Variants in TENM3 observed in about 807,000 individuals in gnomAD.
The protein encoded by TENM3 is teneurin-3.
A neutral mutation model predicts 255.1 loss-of-function variants in TENM3; 63 were observed. The ratio of observed to expected loss-of-function variants is 0.25; its 90% CI spans 0.20 to 0.30. The LOEUF (loss-of-function observed/expected upper bound fraction) is 0.30, where lower values mean the gene tolerates loss of function less well. Among genes scored for constraint, TENM3 ranks in the 10% least tolerant of loss-of-function variants. The probability of loss-of-function intolerance (pLI) is 1.00; values close to 1 mark genes in which losing one functional copy is unlikely to be tolerated. For synonymous variants in TENM3, 1,306 were observed against 1,322.3 expected (o/e 0.99, Z 0.27); for missense variants, 2,929 against 3,461.1 (o/e 0.85, Z 3.86).
intron 1 of TENM3, among the ~76,000 whole-genome samples, chr4:182,198,766 A>G (rs1298948096): frequency 6.6e-6 from 1 of 152,142 alleles, no homozygotes; most frequent in Non-Finnish European, 1.5e-5. Context: ...CCCGATGATG[A>G]AGGACAGAGC....
chr4:181,770,702 G>T, the TENM3 span, among the ~76,000 whole-genome samples: 1 of 147,772 alleles, frequency 6.8e-6, no homozygotes, highest in African/African-American at 2.5e-5. Flanking sequence ...AAAAAAGAGT[G>T]AGGAAGTTCA....
At position 182,773,508 on chromosome 4, in the gene TENM3, T is replaced by C; in HGVS notation, c.4929T>C (p.Phe1643=). The stretch of plus-strand genomic sequence containing the variant: ...AAGGTCGTCTGACAAATGTTACGTT[T>C]CCAACTGGAGTGGTCACAAACCTGC... The part of the protein sequence containing the change: ...DSEGRLTNVT[F]PTGVVTNLHG... Residue 1643 remains phenylalanine (F), a synonymous_variant, in exon 23 of 28, where the codon TTT becomes TTC. Transcript: ENST00000511685. 3.7e-6 allele frequency: 6 copies of C among 1,613,214 alleles called. No homozygotes were observed. The highest frequency in any genetic ancestry group is 5.1e-6 in the Non-Finnish European group (6 of 1,179,548).
At chr4:181,496,646 G>T in the TENM3 span, among the ~76,000 whole-genome samples, 2 of 152,082 alleles carry the variant, frequency 1.3e-5, no homozygotes, top group Non-Finnish European at 2.9e-5. Context: ...CGTTAGCATC[G>T]ATTTACTATG....
chr4:181,971,301 G>T, the TENM3 span, among the ~76,000 whole-genome samples: 1 of 152,290 alleles, frequency 6.6e-6, no homozygotes, highest in South Asian at 2.1e-4. Flanking sequence ...CTAGCATGGT[G>T]CTTGGCATGT....
chr4:182,574,888 G>A (rs1052240600), intron 3 of TENM3, among the ~76,000 whole-genome samples: 1 of 152,006 alleles, frequency 6.6e-6, no homozygotes, highest in African/African-American at 2.4e-5. Context: ...CTGTCACCTC[G>A]GTGACACAGA....
At chr4:182,316,007 T>A (rs1302258142) in intron 1 of TENM3, among the ~76,000 whole-genome samples, 1 of 152,214 alleles carries the variant, frequency 6.6e-6, no homozygotes, top group African/African-American at 2.4e-5. Flanking sequence ...ATAACCATTT[T>A]CATGTCCTTC....
At chr4:182,787,113 A>G (rs1386049919) in intron 24 of TENM3, among the ~76,000 whole-genome samples, 2 of 152,108 alleles carry the variant, frequency 1.3e-5, no homozygotes, top group Non-Finnish European at 2.9e-5. Flanking sequence ...AGCTCAACTC[A>G]TAAAGTTTCA....
At chr4:181,716,452 G>A in the TENM3 span, among the ~76,000 whole-genome samples, 1 of 152,160 alleles carries the variant, frequency 6.6e-6, no homozygotes, top group Non-Finnish European at 1.5e-5. Context: ...ATTCCGATCA[G>A]CCATATTTTA....
At chr4:182,233,283 C>G (rs532574045) in intron 1 of TENM3, among the ~76,000 whole-genome samples, 1 of 152,202 alleles carries the variant, frequency 6.6e-6, no homozygotes, top group African/African-American at 2.4e-5. Flanking sequence ...CCTGGATAGA[C>G]GTCCACACAT....
the TENM3 span, among the ~76,000 whole-genome samples, chr4:181,534,473 C>CG: frequency 0.53 from 80,319 of 151,486 alleles, 21,771 homozygotes; most frequent in African/African-American, 0.63. Context: ...TCTTCCCCCC[C>CG]CCCACAGAAA....
At chr4:182,702,139 C>G (rs1255972429) in intron 12 of TENM3, among the ~76,000 whole-genome samples, 17 of 152,120 alleles carry the variant, frequency 1.1e-4, no homozygotes, top group Admixed American at 1.1e-3. Context: ...TATATAAGGG[C>G]AAGTTGTGAT....
At chr4:182,369,548 C>T (rs1766656589) in intron 3 of TENM3, among the ~76,000 whole-genome samples, 1 of 152,156 alleles carries the variant, frequency 6.6e-6, no homozygotes, top group Non-Finnish European at 1.5e-5. Context: ...CAGTTGAATT[C>T]ATTTCCTACT....
chr4:182,282,039 C>T lies in TENM3; in HGVS notation c.-76+38563C>T, dbSNP rs370971337. The stretch of plus-strand genomic sequence containing the variant: ...GCATGAACCACCATGCCTGGCCCAT[C>T]GTCATTTTAAAATTTAATTTTAATT... On this transcript the variant is annotated intron_variant, in intron 1 of 27. Transcript: ENST00000511685. 8.6e-4 allele frequency among the ~76,000 whole-genome samples: 131 copies of T among 152,144 alleles called. No homozygotes were observed. In the Middle Eastern group the frequency reaches 0.01, roughly 12 times the overall value.
At chr4:181,788,462 T>C in the TENM3 span, among the ~76,000 whole-genome samples, 1 of 152,148 alleles carries the variant, frequency 6.6e-6, no homozygotes, top group Non-Finnish European at 1.5e-5. Flanking sequence ...CCATTAATAC[T>C]CCAATTTTCT....
chr4:181,574,744 C>T, the TENM3 span, among the ~76,000 whole-genome samples: 1 of 151,848 alleles, frequency 6.6e-6, no homozygotes, highest in African/African-American at 2.4e-5. Flanking sequence ...ATATAGAAGC[C>T]GTAGGAACTT....
the TENM3 span, among the ~76,000 whole-genome samples, chr4:181,620,135 C>A: frequency 6.6e-6 from 1 of 152,088 alleles, no homozygotes; most frequent in African/African-American, 2.4e-5. Context: ...GTGGCACATG[C>A]CTGTGGTCCC....
chr4:182,457,505 G>A (rs72701914), intron 3 of TENM3, among the ~76,000 whole-genome samples: 2,393 of 149,520 alleles, frequency 0.016, 21 homozygotes, highest in Non-Finnish European at 0.026. Context: ...AGTTAAGTTG[G>A]TTGTTAGTGA....
At chr4:182,783,195 G>A (rs1416026420) in intron 24 of TENM3, among the ~76,000 whole-genome samples, 1 of 152,192 alleles carries the variant, frequency 6.6e-6, no homozygotes, top group African/African-American at 2.4e-5. Context: ...AGCTGGTACT[G>A]GTTGTTCCTT....
intron 1 of TENM3, among the ~76,000 whole-genome samples, chr4:182,164,780 A>G (rs1751597654): frequency 6.6e-6 from 1 of 152,096 alleles, no homozygotes; most frequent in South Asian, 2.1e-4. Context: ...GAGCAAATGA[A>G]AAAAAGTCCC....
Sources: allele counts gnomAD v4.1 joint callset (sites outside exome capture counted in the v4.1 genomes callset), GRCh38; gene constraint gnomAD v4.1.1; transcripts MANE v1.5; gene names NCBI Gene and HGNC (gene_info 2026-07-23, HGNC 2026-07-21).